SALL1: variants seen among roughly 807,000 people sequenced by gnomAD.
SALL1 encodes the protein sal-like protein 1.
SALL1 carries 10 observed loss-of-function variants against 73.1 expected under a neutral mutation model. That is an observed-to-expected ratio of 0.14 (90% CI 0.08 to 0.23). SALL1 has a LOEUF of 0.23. Ranked by LOEUF, SALL1 falls within the 10% of genes least tolerant of loss-of-function variation. The probability of loss-of-function intolerance (pLI) is 1.00; values close to 1 mark genes in which losing one functional copy is unlikely to be tolerated. For missense variants in SALL1, 1,520 were observed against 1,697.3 expected (o/e 0.90, Z 1.84); for synonymous variants, 688 against 689.8 (o/e 1.00, Z 0.04).
At chr16:51,137,808 A>C (rs147254442) in intron 2 of SALL1, among the ~76,000 whole-genome samples, 69 of 152,296 alleles carry the variant, frequency 4.5e-4, no homozygotes, top group African/African-American at 1.6e-3. Flanking sequence ...AGGATGCCTT[A>C]CTTACTCTTT....
At chr16:51,146,933 G>T (rs953528126) in intron 1 of SALL1, among the ~76,000 whole-genome samples, 1 of 152,152 alleles carries the variant, frequency 6.6e-6, no homozygotes, top group South Asian at 2.1e-4. Flanking sequence ...GCACCAAGAA[G>T]TGTCTCAGAA....
intron 1 of SALL1, 140 bp from the exon 2 acceptor site, chr16:51,142,285 C>T (rs1597231935): frequency 2.9e-6 from 2 of 691,574 alleles, no homozygotes; most frequent in East Asian, 5.1e-5. Flanking sequence ...ATCAATATTA[C>T]CTAAGAACAT....
At position 51,140,215 on chromosome 16, in the gene SALL1, C is replaced by A; in HGVS notation, c.2007G>T (p.Gln669His). The stretch of plus-strand genomic sequence containing the variant: ...CCCCAAAAGGAAACTTGGCCTTGAA[C>A]TGCTCGGACATGAGCGGCAACAAAG... ...TNPLLPLMSE[Q>H]FKAKFPFGGL... is the part of the protein sequence containing the mutation. Residue 669 changes from glutamine (Q) to histidine (H), a missense_variant, in exon 2 of 3, where the codon CAG (glutamine) becomes CAT (histidine). This residue lies in a region of SALL1 where 276 missense variants were observed against 259.1 expected (regional missense o/e 1.07). Transcript: ENST00000251020. This position sits in a 1 kb window ranked among gnomAD's most constrained non-coding sequence, Gnocchi z 5.7. 6.2e-7 allele frequency: 1 copy of A among 1,614,206 alleles called. No homozygotes were observed.
At chr16:51,137,684 T>G (rs1182698040) in intron 2 of SALL1, 132 bp from the exon 3 acceptor site, 6 of 674,406 alleles carry the variant, frequency 8.9e-6, no homozygotes, top group Non-Finnish European at 1.5e-5. Flanking sequence ...GGCCTAAATG[T>G]CTATTCTCAT....
chr16:51,141,772 G>C lies in SALL1; in HGVS notation c.450C>G (p.Ser150Arg). ...SSGSHSSTAPSSSSSSSSSSG... is the reference protein window; with the variant it reads ...SSGSHSSTAPRSSSSSSSSSG... Reference sequence around the variant, plus strand: ...TGCTGCTGCTGCTGCTGCTGCTGCTGCTTGGGGCGGTACTGCTGTGGCTGC... The same window carrying C: ...TGCTGCTGCTGCTGCTGCTGCTGCTCCTTGGGGCGGTACTGCTGTGGCTGC... Residue 150 changes from serine (S) to arginine (R), a missense_variant, in exon 2 of 3, where the codon AGC (serine) becomes AGG (arginine). Physicochemically the swap from Ser to Arg is moderately radical, Grantham distance 110 (BLOSUM62 -1). Transcript: ENST00000251020. The surrounding 1 kb of genome is among the most constrained non-coding windows in gnomAD (Gnocchi z 5.4). The C allele has an allele frequency of 6.2e-7, 1 of 1,610,930 alleles. No individual in the cohort carries two copies. The highest frequency in any genetic ancestry group is 8.5e-7 in the Non-Finnish European group (1 of 1,177,274).
chr16:51,139,482 C>T lies in SALL1; in HGVS notation c.2740G>A (p.Ala914Thr). 1 of 1,614,228 alleles carries T rather than the reference C, an allele frequency of 6.2e-7. No homozygotes were observed. Among genetic ancestry groups the T allele is most frequent in the South Asian group, 1.1e-5 (1 of 91,076 alleles). ...SVGGDMESQS[A>T]GSPAISESTS... is the part of the protein sequence containing the mutation. ...GACTCTGAGATGGCTGGGCTGCCAG[C>T]ACTTTGGCTTTCCATGTCACCACCC... The change falls in exon 2 of 3, where the codon GCT (alanine) becomes ACT (threonine). Residue 914 changes from alanine (A) to threonine (T), a missense_variant. By Grantham distance (58) the Ala-to-Thr change is moderately conservative. Coordinates refer to ENST00000251020, the MANE Select transcript of SALL1 (RefSeq NM_002968.3).
In SALL1 at chr16:51,140,312, G is replaced by A. The variant is rs746824603; in HGVS notation, c.1910C>T (p.Ala637Val). 38 of 1,613,964 alleles carry A rather than the reference G, an allele frequency of 2.4e-5. No individual in the cohort carries two copies. In the Middle Eastern group the frequency reaches 1.3e-3, roughly 56 times the overall value. Residue 637 changes from alanine to valine, a missense_variant, in exon 2 of 3, where the codon GCG becomes GTG. Physicochemically the swap from Ala to Val is moderately conservative, Grantham distance 64. Transcript: ENST00000251020. The surrounding 1 kb of genome is among the most constrained non-coding windows in gnomAD (Gnocchi z 5.7). ...SGMVTNSVPT[A>V]SSSVLSSPAA... ...TGGGGAGCTCAGGACGCTACTGCTC[G>A]CCGTCGGGACTGAGTTGGTGACCAT... is the stretch of plus-strand genomic sequence containing the variant.
rs554062425 is a variant in SALL1, at chr16:51,140,385, C to G, written c.1837G>C (p.Glu613Gln). 6.8e-6 allele frequency: 11 copies of G among 1,613,986 alleles called. No homozygotes were observed. The African/African-American group carries it at 1.3e-4, about 20-fold the overall frequency. ...CCAGAGGGTGGCAGAGTGGACCCTT[C>G]GGCTTCCTCTGGGAGCCCACCTAGG... Reference protein sequence around the residue: ...RNLGGLPEEAEGSTLPPSGGK... With the variant: ...RNLGGLPEEAQGSTLPPSGGK... The change falls in exon 2 of 3, where the codon GAA becomes CAA. Residue 613 changes from glutamate to glutamine, a missense_variant. This residue lies in a region of SALL1 where 276 missense variants were observed against 259.1 expected (regional missense o/e 1.07). Coordinates refer to ENST00000251020, the MANE Select transcript of SALL1 (RefSeq NM_002968.3). The surrounding 1 kb of genome is among the most constrained non-coding windows in gnomAD (Gnocchi z 5.7).
chr16:51,142,873 T>C (rs1353933507), intron 1 of SALL1, among the ~76,000 whole-genome samples: 3 of 152,194 alleles, frequency 2.0e-5, no homozygotes, highest in Non-Finnish European at 4.4e-5. Context: ...TATCACCCCA[T>C]GGCATGTTTA....
intron 1 of SALL1, chr16:51,150,430 G>C: frequency 3.0e-6 from 3 of 985,556 alleles, no homozygotes; most frequent in Non-Finnish European, 1.2e-6. Flanking sequence ...GAAGAGATGC[G>C]GAGATAAATT....
intron 1 of SALL1, among the ~76,000 whole-genome samples, chr16:51,148,215 G>C (rs2143470181): frequency 6.6e-6 from 1 of 152,024 alleles, no homozygotes; most frequent in East Asian, 2.0e-4. Context: ...GATTTTCTTT[G>C]TAAGCACACA....
chr16:51,137,104 G>A lies in SALL1; in HGVS notation c.*8C>T, dbSNP rs765060484. 17 of 1,613,972 alleles carry A rather than the reference G, an allele frequency of 1.1e-5. No individual in the cohort carries two copies. The East Asian group carries it at 1.1e-4, about 11-fold the overall frequency. On this transcript the variant is annotated 3_prime_UTR_variant, in exon 3 of 3. Coordinates refer to ENST00000251020, the MANE Select transcript of SALL1 (RefSeq NM_002968.3). ...GGAATGAATGCTATGTCTCCAGCCC[G>A]AGCTGCTTTAACTCGTGACGATCTC...
At chr16:51,147,713 G>T (rs1452797454) in intron 1 of SALL1, among the ~76,000 whole-genome samples, 1 of 151,366 alleles carries the variant, frequency 6.6e-6, no homozygotes, top group African/African-American at 2.4e-5. Context: ...TAAATGAATG[G>T]AGTCTAAATG....
In SALL1 at chr16:51,136,083, CCCTTT is replaced by C. The variant is rs1425410654; in HGVS notation, c.*1024_*1028del. On this transcript the variant is annotated 3_prime_UTR_variant, in exon 3 of 3. Coordinates refer to ENST00000251020, the MANE Select transcript of SALL1 (RefSeq NM_002968.3). Reference sequence around the variant, plus strand: ...TTAAATGTTAAAGAAATTGGACCCCCCCTTTCCTTTCAACTTTCCAAGAAAGTGCA... The same window carrying C: ...TTAAATGTTAAAGAAATTGGACCCCCCCTTTCAACTTTCCAAGAAAGTGCA... 2 of 152,582 alleles carry C rather than the reference CCCTTT, an allele frequency of 1.3e-5. No homozygotes were observed. Among genetic ancestry groups the C allele is most frequent in the African/African-American group, 2.4e-5 (1 of 41,428 alleles). The allele number at this position is 152,582 out of a possible 1,614,324, so 9.5% of individuals were successfully genotyped here.
Position 51,142,103 on chromosome 16 carries a change from T to C in SALL1, c.119A>G (p.Lys40Arg), listed in dbSNP as rs749870964. ...KGQPSRPTKS[K>R]DAHVCGRCCA... ...GCACCGGCCACAGACGTGGGCATCC[T>C]TGCTCTTAGTAGGGCGACTCGGTTG... Residue 40 changes from lysine (K) to arginine (R), a missense_variant, in exon 2 of 3, where the codon AAG becomes AGG. Coordinates refer to ENST00000251020, the MANE Select transcript of SALL1 (RefSeq NM_002968.3). 1 of 1,613,754 alleles carries C rather than the reference T, an allele frequency of 6.2e-7. No individual in the cohort carries two copies. The highest frequency in any genetic ancestry group is 1.1e-5 in the South Asian group (1 of 91,070).
chr16:51,149,798 G>T (rs1451108940), intron 1 of SALL1: 2 of 152,166 alleles, frequency 1.3e-5, no homozygotes, highest in African/African-American at 4.8e-5. Context: ...ACGAGCCGGG[G>T]ACCTGGGGGC....
Position 51,141,710 on chromosome 16 carries a change from G to T in SALL1, c.512C>A (p.Ala171Glu). Residue 171 changes from alanine to glutamate, a missense_variant, in exon 2 of 3, where the codon GCG becomes GAG. This residue lies in a region of SALL1 where 540 missense variants were observed against 567.5 expected (regional missense o/e 0.95). Transcript: ENST00000251020. This position sits in a 1 kb window ranked among gnomAD's most constrained non-coding sequence, Gnocchi z 5.4. The stretch of plus-strand genomic sequence containing the variant: ...GAGTTGAGGTAGAGAGGTTGTGATC[G>T]CTGAGGTACCTGTGGAGGAGCTGCC... ...GGGSSSTGTSAITTSLPQLGD... is the reference protein window; with the variant it reads ...GGGSSSTGTSEITTSLPQLGD... 1 of 1,613,522 alleles carries T rather than the reference G, an allele frequency of 6.2e-7. No homozygotes were observed. Among genetic ancestry groups the T allele is most frequent in the Non-Finnish European group, 8.5e-7 (1 of 1,179,978 alleles).
In SALL1 at chr16:51,139,542, C is replaced by T. The variant is rs780059925; in HGVS notation, c.2680G>A (p.Glu894Lys). ...GAATCATTGGTCAGGACATCCCCCT[C>T]GATGGACCCATTCTCCACTGACTTC... ...SLKSVENGSI[E>K]GDVLTNDSSS... The change falls in exon 2 of 3, where the codon GAG becomes AAG. Residue 894 changes from glutamate (E) to lysine (K), a missense_variant. Physicochemically the swap from Glu to Lys is moderately conservative, Grantham distance 56 (BLOSUM62 1). Coordinates refer to ENST00000251020, the MANE Select transcript of SALL1 (RefSeq NM_002968.3). 2.1e-5 allele frequency: 34 copies of T among 1,614,096 alleles called. No individual in the cohort carries two copies. The highest frequency in any genetic ancestry group is 1.4e-4 in the South Asian group (13 of 91,076).
In SALL1 at chr16:51,141,571, G is replaced by A. The variant is rs376803724; in HGVS notation, c.651C>T (p.Gly217=). ...CGGCCAGCTTGCCCCCAGAGGCCCC[G>A]CCGCACCTCGCTTCCTGGGAGAACT... ...VAQFSQEARC[G]GASGGKLAVP... Residue 217 remains glycine (G), a synonymous_variant, in exon 2 of 3, where the codon GGC becomes GGT. Transcript: ENST00000251020. The surrounding 1 kb of genome is among the most constrained non-coding windows in gnomAD (Gnocchi z 5.4). 5.6e-5 allele frequency: 91 copies of A among 1,614,128 alleles called. 1 individual carries two copies. In the South Asian group the frequency reaches 6.6e-4, roughly 12 times the overall value.
Sources: gnomAD v4.1 joint callset for allele counts (sites outside exome capture counted in the v4.1 genomes callset) on GRCh38, gnomAD v4.1.1 for gene constraint, gnomAD v4.1.1 regional missense constraint, Gnocchi (gnomAD v3.1) non-coding constraint, MANE v1.5 for transcripts, NCBI Gene and HGNC (gene_info 2026-07-23, HGNC 2026-07-21) for gene names.